Variants in FAP observed in about 807,000 individuals in gnomAD.
The protein encoded by FAP is prolyl endopeptidase FAP.
In FAP, 110 loss-of-function variants were observed where a neutral mutation model predicts 126.5. The ratio of observed to expected loss-of-function variants is 0.87; its 90% CI spans 0.74 to 1.02. FAP has a LOEUF of 1.02. Ranked by LOEUF, FAP falls within the 50% of genes least tolerant of loss-of-function variation. FAP has a pLI of 0.00. For synonymous variants in FAP, 334 were observed against 297.3 expected (o/e 1.12, Z -1.27); for missense variants, 919 against 909.2 (o/e 1.01, Z -0.14).
chr2:162,188,400 G>A (rs1456847871), intron 19 of FAP, 37 bp from the exon 20 acceptor site: 2 of 1,574,616 alleles, frequency 1.3e-6, no homozygotes, highest in East Asian at 2.3e-5. Flanking sequence ...ATCTTTGATT[G>A]CTTTGTAAAA....
Position 162,172,887 on chromosome 2 carries a change from G to A in FAP, c.2108-3C>T. On this transcript the variant is annotated splice_polypyrimidine_tract_variant and splice_region_variant and intron_variant, in intron 24 of 25. Transcript: ENST00000188790. ...TGAGTTTTGAAAGTGCACATTATCT[G>A]CAACAAAGAGAGAGAGAGTTAAAGT... is the stretch of plus-strand genomic sequence containing the variant. The A allele has an allele frequency of 6.2e-7, 1 of 1,608,858 alleles. No individual in the cohort carries two copies. Among genetic ancestry groups the A allele is most frequent in the South Asian group, 1.1e-5 (1 of 90,982 alleles).
At chr2:162,213,817 G>C (rs1689057123) in intron 11 of FAP, 121 bp downstream of exon 11, 1 of 908,244 alleles carries the variant, frequency 1.1e-6, no homozygotes, top group Non-Finnish European at 1.6e-6. Flanking sequence ...TTTTTGCAAA[G>C]CAGTTGGCAG....
intron 20 of FAP, among the ~76,000 whole-genome samples, 165 bp downstream of exon 20, chr2:162,188,004 T>A (rs999838155): frequency 3.3e-5 from 5 of 152,136 alleles, no homozygotes; most frequent in African/African-American, 1.2e-4. Flanking sequence ...ATAAATACTT[T>A]TTTTTCATAT....
intron 9 of FAP, 112 bp downstream of exon 9, chr2:162,217,874 G>A (rs1689213814): frequency 1.3e-6 from 1 of 743,696 alleles, no homozygotes; most frequent in African/African-American, 1.8e-5. Flanking sequence ...GCCTTACAAT[G>A]CTCAAGGATA....
chr2:162,232,744 T>A (rs1480843847), intron 2 of FAP, among the ~76,000 whole-genome samples: 1 of 152,186 alleles, frequency 6.6e-6, no homozygotes, highest in Admixed American at 6.5e-5. Flanking sequence ...TATTTTATTG[T>A]TATGTTATAT....
chr2:162,182,921 A>G (rs1261046503), intron 21 of FAP, among the ~76,000 whole-genome samples: 2 of 152,204 alleles, frequency 1.3e-5, no homozygotes, highest in Non-Finnish European at 2.9e-5. Context: ...GCACAAACGA[A>G]CATTCGGTCT....
intron 22 of FAP, 34 bp downstream of exon 22, chr2:162,174,833 G>C: frequency 6.9e-7 from 1 of 1,451,378 alleles, no homozygotes; most frequent in South Asian, 1.1e-5. Flanking sequence ...CGTGTTAAAT[G>C]CTTTCACAGT....
At chr2:162,212,588 T>C (rs568516866) in intron 11 of FAP, among the ~76,000 whole-genome samples, 5 of 152,336 alleles carry the variant, frequency 3.3e-5, no homozygotes, top group South Asian at 4.1e-4. Flanking sequence ...ATTATAGTCC[T>C]GATATATTTC....
In FAP at chr2:162,211,702, T is replaced by A. The variant is rs1476446874; in HGVS notation, c.1003-1706A>T. On this transcript the variant is annotated intron_variant, in intron 11 of 25. Coordinates refer to ENST00000188790, the MANE Select transcript of FAP (RefSeq NM_004460.5). ...ATTATTTTTAGCCATAAAAGTAAAA[T>A]TAATTTTAATTCCCTTTTCAGAGGA... 3.3e-5 allele frequency among the ~76,000 whole-genome samples: 5 copies of A among 152,312 alleles called. No individual in the cohort carries two copies. In the South Asian group the frequency reaches 8.3e-4, roughly 25 times the overall value.
chr2:162,173,360 A>G (rs971112332), intron 23 of FAP, 139 bp from the exon 24 acceptor site: 1 of 670,206 alleles, frequency 1.5e-6, no homozygotes. Flanking sequence ...AGTCAGAGCA[A>G]CACATTTTCA....
In FAP at chr2:162,173,208, A is replaced by G. The variant is rs367765256; in HGVS notation, c.2048T>C (p.Met683Thr). 1.9e-6 allele frequency: 3 copies of G among 1,612,844 alleles called. No homozygotes were observed. Among genetic ancestry groups the G allele is most frequent in the Non-Finnish European group, 2.5e-6 (3 of 1,179,126 alleles). The stretch of plus-strand genomic sequence containing the variant: ...ATTTCTGAAATATTCTGCTCTTGCC[A>G]TCACAGTTGAATTCTGGAAAAGAGA... Reference protein sequence around the residue: ...NLEHYKNSTVMARAEYFRNVD... With the variant: ...NLEHYKNSTVTARAEYFRNVD... The change falls in exon 24 of 26, where the codon ATG (methionine) becomes ACG (threonine). Residue 683 changes from methionine (M) to threonine (T), a missense_variant. Physicochemically the swap from Met to Thr is moderately conservative, Grantham distance 81. Transcript: ENST00000188790.
At chr2:162,222,003 A>G (rs1247803024) in intron 6 of FAP, among the ~76,000 whole-genome samples, 3 of 152,112 alleles carry the variant, frequency 2.0e-5, no homozygotes, top group African/African-American at 7.2e-5. Flanking sequence ...TGTGCAGAAA[A>G]CAAAGAAACA....
At chr2:162,211,808 C>G (rs913002830) in intron 11 of FAP, among the ~76,000 whole-genome samples, 1 of 152,066 alleles carries the variant, frequency 6.6e-6, no homozygotes, top group African/African-American at 2.4e-5. Flanking sequence ...TATTACAAGT[C>G]ATTTTTGCCA....
At chr2:162,179,098 A>G (rs1158876823) in intron 21 of FAP, among the ~76,000 whole-genome samples, 1 of 152,144 alleles carries the variant, frequency 6.6e-6, no homozygotes, top group African/African-American at 2.4e-5. Context: ...CTAAGACACC[A>G]ATACCTTGCC....
intron 9 of FAP, among the ~76,000 whole-genome samples, chr2:162,217,056 A>G (rs1358933118): frequency 6.6e-6 from 1 of 152,222 alleles, no homozygotes; most frequent in Non-Finnish European, 1.5e-5. Flanking sequence ...TCCAGCTTTT[A>G]GAGTTTTTAC....
At chr2:162,200,464 A>G (rs937567153) in intron 15 of FAP, 102 bp downstream of exon 15, 37 of 649,626 alleles carry the variant, frequency 5.7e-5, no homozygotes, top group Non-Finnish European at 9.1e-5. Context: ...GATTTTTATT[A>G]TGTGCCATAC....
chr2:162,171,203 C>A, intron 25 of FAP, 123 bp from the exon 26 acceptor site: 1 of 644,810 alleles, frequency 1.6e-6, no homozygotes, highest in Non-Finnish European at 2.7e-6. Flanking sequence ...CCTAAGAACA[C>A]TCAAATAAGT....
chr2:162,209,467 C>A (rs994637724), intron 12 of FAP, among the ~76,000 whole-genome samples: 1 of 151,926 alleles, frequency 6.6e-6, no homozygotes, highest in Non-Finnish European at 1.5e-5. Flanking sequence ...TATTTGATAC[C>A]AAATCATTAC....
Position 162,213,998 on chromosome 2 carries a change from A to G in FAP, c.942T>C (p.Asn314=). ...AGTCACATATAGACAGGACCGAAAC[A>G]TTCTGGACTCTTTTTAGCCACTGCA... ...VCLQWLKRVQ[N]VSVLSICDFR... The change falls in exon 11 of 26, where the codon AAT becomes AAC. Residue 314 remains asparagine, a synonymous_variant. Transcript: ENST00000188790. The G allele has an allele frequency of 6.2e-7, 1 of 1,614,088 alleles. No individual in the cohort carries two copies. Among genetic ancestry groups the G allele is most frequent in the Non-Finnish European group, 8.5e-7 (1 of 1,179,998 alleles).
Sources: gnomAD v4.1 joint callset for allele counts (sites outside exome capture counted in the v4.1 genomes callset) on GRCh38, gnomAD v4.1.1 for gene constraint, MANE v1.5 for transcripts, NCBI Gene and HGNC (gene_info 2026-07-23, HGNC 2026-07-21) for gene names.